The following MOGAT1 variants were observed in gnomAD, a reference collection of about 807,000 sequenced individuals.
MOGAT1 encodes monoacylglycerol O-acyltransferase 1, also known as 2-acylglycerol O-acyltransferase 1.
In MOGAT1, 32 loss-of-function variants were observed where a neutral mutation model predicts 31.4. That is an observed-to-expected ratio of 1.02 (90% CI 0.77 to 1.37). The LOEUF (loss-of-function observed/expected upper bound fraction) is 1.37, where lower values mean the gene tolerates loss of function less well. Ranked by LOEUF, MOGAT1 falls within the 40% of genes most tolerant of loss-of-function variation. The pLI, the probability that MOGAT1 is intolerant of heterozygous loss-of-function variation, is 0.00. For synonymous variants in MOGAT1, 145 were observed against 144.5 expected (o/e 1.00, Z -0.03); for missense variants, 426 against 402.0 (o/e 1.06, Z -0.51).
rs1020324831 is a variant in MOGAT1, at chr2:222,694,787, C to CTA, written c.653+258_653+259dup. ...GAGAACAACAACAAAAACCAACATT[C>CTA]TATATATACAGTGTAATTTTCCAGC... On this transcript the variant is annotated intron_variant, in intron 4 of 5. Coordinates refer to ENST00000446656, the MANE Select transcript of MOGAT1 (RefSeq NM_058165.3). 4.6e-5 allele frequency among the ~76,000 whole-genome samples: 7 copies of CTA among 152,284 alleles called. No homozygotes were observed. In the East Asian group the frequency reaches 1.2e-3, roughly 25 times the overall value.
At chr2:222,682,858 C>T (rs954983203) in intron 1 of MOGAT1, among the ~76,000 whole-genome samples, 3 of 152,138 alleles carry the variant, frequency 2.0e-5, no homozygotes, top group Admixed American at 2.0e-4. Flanking sequence ...TACAAAAGGT[C>T]ACATATTATA....
intron 1 of MOGAT1, among the ~76,000 whole-genome samples, chr2:222,680,192 C>T (rs575805648): frequency 5.5e-4 from 84 of 152,316 alleles, no homozygotes; most frequent in Non-Finnish European, 1.0e-3. Context: ...TTTAACATTA[C>T]GCAAGGGATT....
At chr2:222,689,205 C>T in intron 2 of MOGAT1, 60 bp from the exon 3 acceptor site, 1 of 1,384,882 alleles carries the variant, frequency 7.2e-7, no homozygotes, top group Non-Finnish European at 9.8e-7. Flanking sequence ...TTTTGTTTCT[C>T]ATTGGAAAAT....
chr2:222,674,121 G>A (rs1041337991), intron 1 of MOGAT1, among the ~76,000 whole-genome samples: 3 of 152,308 alleles, frequency 2.0e-5, no homozygotes, highest in African/African-American at 4.8e-5. Flanking sequence ...GTGGAAAGTC[G>A]AGACACATGT....
rs1692823228 is a variant in MOGAT1, at chr2:222,695,241, A to G, written c.806A>G (p.Gln269Arg). 6.2e-7 allele frequency: 1 copy of G among 1,613,690 alleles called. No homozygotes were observed. Among genetic ancestry groups the G allele is most frequent in the Non-Finnish European group, 8.5e-7 (1 of 1,179,770 alleles). Residue 269 changes from glutamine (Q) to arginine (R), a missense_variant, in exon 5 of 6, where the codon CAG becomes CGG. Physicochemically the swap from Gln to Arg is conservative, Grantham distance 43. Coordinates refer to ENST00000446656, the MANE Select transcript of MOGAT1 (RefSeq NM_058165.3). ...CTGTTTCATGCCAGGGGAGTTTTTCAGTACAATTTTGGCCTAATGACCTAT... is the reference window on the plus strand; with the variant it reads ...CTGTTTCATGCCAGGGGAGTTTTTCGGTACAATTTTGGCCTAATGACCTAT... ...LPLFHARGVF[Q>R]YNFGLMTYRK...
intron 5 of MOGAT1, among the ~76,000 whole-genome samples, chr2:222,705,302 C>G (rs571016743): frequency 6.6e-6 from 1 of 152,298 alleles, no homozygotes; most frequent in Non-Finnish European, 1.5e-5. Flanking sequence ...AACCTCCTAT[C>G]TCATCCTATG....
At position 222,709,852 on chromosome 2, in the gene MOGAT1, T is replaced by C. The variant is rs1224069227; in HGVS notation, c.970T>C (p.Tyr324His). The change falls in exon 6 of 6, where the codon TAT becomes CAT. Residue 324 changes from tyrosine (Y) to histidine (H), a missense_variant. Tyr to His is a moderately conservative substitution (Grantham distance 83). Coordinates refer to ENST00000446656, the MANE Select transcript of MOGAT1 (RefSeq NM_058165.3). ...RKLFEEHKGK[Y>H]GIPEHETLVL... ...ATTGTTTGAGGAACACAAAGGAAAGTATGGCATTCCAGAGCACGAGACTCT... is the reference window on the plus strand; with the variant it reads ...ATTGTTTGAGGAACACAAAGGAAAGCATGGCATTCCAGAGCACGAGACTCT... 1 of 1,612,892 alleles carries C rather than the reference T, an allele frequency of 6.2e-7. No individual in the cohort carries two copies. Among genetic ancestry groups the C allele is most frequent in the Non-Finnish European group, 8.5e-7 (1 of 1,179,314 alleles).
At chr2:222,676,365 ACT>A (rs1180369785) in intron 1 of MOGAT1, among the ~76,000 whole-genome samples, 1 of 151,490 alleles carries the variant, frequency 6.6e-6, no homozygotes, top group African/African-American at 2.4e-5. Context: ...CATCATATAT[ACT>A]CTCTTTTTGT....
intron 1 of MOGAT1, among the ~76,000 whole-genome samples, chr2:222,687,068 T>C (rs1406962403): frequency 7.9e-6 from 1 of 126,348 alleles, no homozygotes; most frequent in Non-Finnish European, 1.5e-5. Flanking sequence ...GAGCCAAGAT[T>C]GCACCCATGC....
intron 1 of MOGAT1, among the ~76,000 whole-genome samples, chr2:222,681,510 C>T (rs1029543758): frequency 1.3e-5 from 2 of 152,208 alleles, no homozygotes; most frequent in East Asian, 3.8e-4. Context: ...GTACACCAAT[C>T]TCTCAGCTTG....
At chr2:222,684,405 CA>C (rs529717196) in intron 1 of MOGAT1, among the ~76,000 whole-genome samples, 64 of 134,982 alleles carry the variant, frequency 4.7e-4, no homozygotes, top group Admixed American at 4.5e-4. Flanking sequence ...GACTCTGTCT[CA>C]AAAAAAAAAA....
chr2:222,690,276 G>C (rs960325158), intron 3 of MOGAT1, among the ~76,000 whole-genome samples: 5 of 152,026 alleles, frequency 3.3e-5, no homozygotes, highest in African/African-American at 1.2e-4. Flanking sequence ...TAAATAAAAA[G>C]AGACGAGGGC....
chr2:222,687,113 C>CAAAAAAAAAA (rs1177781176), intron 1 of MOGAT1, among the ~76,000 whole-genome samples: 62 of 22,164 alleles, frequency 2.8e-3, no homozygotes, highest in Non-Finnish European at 3.8e-3. Context: ...GACTCCATCT[C>CAAAAAAAAAA]AAAAAAAAAA....
rs79748451 is a variant in MOGAT1 at position 222,687,341 on chromosome 2, G to A, written c.95-1003G>A. 6.8e-3 allele frequency among the ~76,000 whole-genome samples: 1,036 copies of A among 152,132 alleles called. 18 individuals carry two copies. The highest frequency in any genetic ancestry group is 0.023 in the African/African-American group (972 of 41,494). On this transcript the variant is annotated intron_variant, in intron 1 of 5. Coordinates refer to ENST00000446656, the MANE Select transcript of MOGAT1 (RefSeq NM_058165.3). Reference sequence around the variant, plus strand: ...TGGGGGTGGAAATGAACCCTAGATTGGAGACTGCAGTGTGTTATAGAAGAG... The same window carrying A: ...TGGGGGTGGAAATGAACCCTAGATTAGAGACTGCAGTGTGTTATAGAAGAG...
intron 1 of MOGAT1, among the ~76,000 whole-genome samples, chr2:222,687,113 C>CAAAAAAAAAAAA (rs1177781176): frequency 1.8e-4 from 4 of 22,450 alleles, no homozygotes; most frequent in African/African-American, 4.6e-4. Context: ...GACTCCATCT[C>CAAAAAAAAAAAA]AAAAAAAAAA....
intron 5 of MOGAT1, among the ~76,000 whole-genome samples, chr2:222,700,725 TAA>T (rs906884105): frequency 6.6e-6 from 1 of 152,090 alleles, no homozygotes; most frequent in Non-Finnish European, 1.5e-5. Flanking sequence ...TACAATTCCA[TAA>T]AAAAAGTAAA....
intron 3 of MOGAT1, among the ~76,000 whole-genome samples, 177 bp downstream of exon 3, chr2:222,689,646 G>C (rs912148821): frequency 1.3e-5 from 2 of 152,288 alleles, no homozygotes; most frequent in Admixed American, 6.5e-5. Context: ...GACTGTAAGT[G>C]GCAGAAACAC....
intron 1 of MOGAT1, among the ~76,000 whole-genome samples, chr2:222,679,781 A>G (rs1184785950): frequency 1.3e-5 from 2 of 152,242 alleles, no homozygotes; most frequent in African/African-American, 2.4e-5. Context: ...GGAGTCACTC[A>G]TCCTATGTGC....
rs971880629 is a variant in MOGAT1 at position 222,672,958 on chromosome 2, C to T, written c.94+1079C>T. ...GACGGAGTTTCACTCTTGTTGCCCA[C>T]GCTGGAGTGCAGTGGCGCCATCTCG... On this transcript the variant is annotated intron_variant, in intron 1 of 5. Coordinates refer to ENST00000446656, the MANE Select transcript of MOGAT1 (RefSeq NM_058165.3). 3.3e-5 allele frequency among the ~76,000 whole-genome samples: 5 copies of T among 149,684 alleles called. No individual in the cohort carries two copies. The East Asian group carries it at 5.9e-4, about 18-fold the overall frequency.
Sources: allele counts gnomAD v4.1 joint callset (sites outside exome capture counted in the v4.1 genomes callset), GRCh38; gene constraint gnomAD v4.1.1; transcripts MANE v1.5; gene names NCBI Gene and HGNC (gene_info 2026-07-23, HGNC 2026-07-21).